FAM83E: variants seen among roughly 807,000 people sequenced by gnomAD.
FAM83E encodes protein FAM83E.
A neutral mutation model predicts 34.3 loss-of-function variants in FAM83E; 29 were observed. That is an observed-to-expected ratio of 0.85 (90% CI 0.63 to 1.15). The LOEUF (loss-of-function observed/expected upper bound fraction) is 1.15, where lower values mean the gene tolerates loss of function less well. FAM83E is among the 50% of genes most tolerant of loss of function. FAM83E has a pLI of 0.00. For synonymous variants in FAM83E, 312 were observed against 311.6 expected (o/e 1.00, Z -0.01); for missense variants, 697 against 685.0 (o/e 1.02, Z -0.20).
chr19:48,613,035 C>T lies in FAM83E; in HGVS notation c.338G>A (p.Arg113Gln), dbSNP rs746945844. 22 of 1,603,008 alleles carry T rather than the reference C, an allele frequency of 1.4e-5. No individual in the cohort carries two copies. The highest frequency in any genetic ancestry group is 1.0e-4 in the Admixed American group (6 of 58,078). ...GQSEQPAPVL[R>Q]LGWPVDSAWK... ...CGCAGAGTCCACTGGCCAGCCCAGCCGCAGGACGGGCGCCGGCTGCTCCGA... is the reference window on the plus strand; with the variant it reads ...CGCAGAGTCCACTGGCCAGCCCAGCTGCAGGACGGGCGCCGGCTGCTCCGA... Residue 113 changes from arginine to glutamine, a missense_variant, in exon 3 of 7, where the codon CGG (arginine) becomes CAG (glutamine). By Grantham distance (43) the Arg-to-Gln change is conservative (BLOSUM62 1). Coordinates refer to ENST00000263266, the MANE Select transcript of FAM83E (RefSeq NM_017708.4).
Position 48,613,530 on chromosome 19 carries a change from C to T in FAM83E, c.-158G>A, listed in dbSNP as rs1478694245. ...GGGCCCTGCAGATGTCCAAATGGCT[C>T]CCTGCAGCAGCCCCTGCCACACTGT... On this transcript the variant is annotated 5_prime_UTR_variant, in exon 3 of 7. Transcript: ENST00000263266. The T allele has an allele frequency of 2.8e-6, 4 of 1,425,696 alleles. No homozygotes were observed. In the East Asian group the frequency reaches 1.0e-4, roughly 36 times the overall value. 88.3% of individuals were successfully genotyped at this position (1,425,696 alleles called of 1,614,324 possible).
At chr19:48,612,165 T>A (rs1974052813) in intron 3 of FAM83E, among the ~76,000 whole-genome samples, 2 of 152,124 alleles carry the variant, frequency 1.3e-5, no homozygotes, top group Non-Finnish European at 2.9e-5. Flanking sequence ...TGCACATTAG[T>A]CCCTGAGAAA....
chr19:48,605,821 G>A (rs1327930255), intron 5 of FAM83E, among the ~76,000 whole-genome samples: 1 of 151,840 alleles, frequency 6.6e-6, no homozygotes, highest in East Asian at 2.0e-4. Context: ...AAAGTGCTGG[G>A]ATTACAGGCG....
chr19:48,606,950 T>C (rs767519321), intron 5 of FAM83E: 1 of 1,595,064 alleles, frequency 6.3e-7, no homozygotes, highest in Admixed American at 1.7e-5. Flanking sequence ...ACGGCCTGGC[T>C]GGGGCAGGGT....
Position 48,613,653 on chromosome 19 carries a change from C to T in FAM83E, c.-281G>A. 1.5e-6 allele frequency: 2 copies of T among 1,294,900 alleles called. No individual in the cohort carries two copies. The allele number at this position is 1,294,900 out of a possible 1,614,324, so 80.2% of individuals were successfully genotyped here. ...CCCAGTGGCACCATGCCTGGCTGGC[C>T]TTCCGTGACCTTCCTGCCAGCCGTC... is the stretch of plus-strand genomic sequence containing the variant. On this transcript the variant is annotated 5_prime_UTR_variant, in exon 3 of 7. Coordinates refer to ENST00000263266, the MANE Select transcript of FAM83E (RefSeq NM_017708.4).
chr19:48,603,720 CGGCGGGACA>C lies in FAM83E; in HGVS notation c.941_949del (p.Val314_Arg317delinsGly). ...AGGCGACGCGGGGGCCACGGAGCGG[CGGCGGGACA>C]CGCGGTGCGGGCTGCGGCCCCGCTG... On this transcript the variant is annotated inframe_deletion, in exon 6 of 7. Coordinates refer to ENST00000263266, the MANE Select transcript of FAM83E (RefSeq NM_017708.4). The C allele has an allele frequency of 1.4e-6, 2 of 1,441,830 alleles. No individual in the cohort carries two copies. The highest frequency in any genetic ancestry group is 1.8e-6 in the Non-Finnish European group (2 of 1,103,386). The allele number at this position is 1,441,830 out of a possible 1,614,324, so 89.3% of individuals were successfully genotyped here.
Position 48,613,399 on chromosome 19 carries a change from C to A in FAM83E, c.-27G>T. On this transcript the variant is annotated 5_prime_UTR_variant, in exon 3 of 7. Coordinates refer to ENST00000263266, the MANE Select transcript of FAM83E (RefSeq NM_017708.4). ...GGGGTCACTCGGGTGGGAGGACTGA[C>A]TGTGAGAGGCTGGGTCCCCGGGGGT... is the stretch of plus-strand genomic sequence containing the variant. 6.7e-7 allele frequency: 1 copy of A among 1,495,746 alleles called. No homozygotes were observed. Among genetic ancestry groups the A allele is most frequent in the South Asian group, 1.3e-5 (1 of 77,890 alleles). 92.7% of individuals were successfully genotyped at this position (1,495,746 alleles called of 1,614,324 possible). A position where few individuals can be genotyped will look rare whatever the true frequency, so the allele number is the denominator to read the frequency against.
intron 5 of FAM83E, among the ~76,000 whole-genome samples, chr19:48,606,462 A>G (rs1364855187): frequency 7.8e-6 from 1 of 128,260 alleles, no homozygotes; most frequent in Non-Finnish European, 1.6e-5. Flanking sequence ...CACTTTCCCC[A>G]GCCTTAGTTT....
chr19:48,613,814 T>A lies in FAM83E; in HGVS notation c.-442A>T. On this transcript the variant is annotated 5_prime_UTR_variant, in exon 3 of 7. Transcript: ENST00000263266. ...AGTCAGACCCTTCAGCTGTCCTGAA[T>A]TTGGTCAGGCTGACCACTTGATCAT... 1 of 985,390 alleles carries A rather than the reference T, an allele frequency of 1.0e-6. No homozygotes were observed. The highest frequency in any genetic ancestry group is 1.2e-6 in the Non-Finnish European group (1 of 829,924). 61.0% of individuals were successfully genotyped at this position (985,390 alleles called of 1,614,324 possible).
intron 3 of FAM83E, among the ~76,000 whole-genome samples, chr19:48,611,759 G>A (rs1286703912): frequency 1.3e-5 from 2 of 152,198 alleles, no homozygotes; most frequent in African/African-American, 2.4e-5. Context: ...GTGAGCCACC[G>A]TGGCTGGCCT....
In FAM83E at chr19:48,601,322, C is replaced by A; in HGVS notation, c.1224G>T (p.Met408Ile). 1 of 1,567,858 alleles carries A rather than the reference C, an allele frequency of 6.4e-7. No individual in the cohort carries two copies. Reference protein sequence around the residue: ...GSKDTPAKALMRQRGTGGGPW... With the variant: ...GSKDTPAKALIRQRGTGGGPW... ...GGCCTCCTCCAGTGCCCCGCTGCCT[C>A]ATCAGAGCCTTGGCTGGAGTGTCCT... is the stretch of plus-strand genomic sequence containing the variant. The change falls in exon 7 of 7, where the codon ATG becomes ATT. Residue 408 changes from methionine (M) to isoleucine (I), a missense_variant. Met to Ile is a conservative substitution (Grantham distance 10). Coordinates refer to ENST00000263266, the MANE Select transcript of FAM83E (RefSeq NM_017708.4).
intron 5 of FAM83E, 141 bp from the exon 6 acceptor site, chr19:48,604,052 A>ACCTACT (rs1973883585): frequency 1.2e-6 from 1 of 805,292 alleles, no homozygotes; most frequent in Non-Finnish European, 1.9e-6. Context: ...TGTCTGTAGA[A>ACCTACT]TGGGCACAAC....
rs1408206913 is a variant in FAM83E, at chr19:48,600,204, C to CG, written c.*904dup. The stretch of plus-strand genomic sequence containing the variant: ...AGCAGCTCTAGCTCGGGGCCTCACC[C>CG]GGGCCCCTCATCAGGAAGGCCTGAC... On this transcript the variant is annotated 3_prime_UTR_variant, in exon 7 of 7. Transcript: ENST00000263266. 1.3e-5 allele frequency among the ~76,000 whole-genome samples: 2 copies of CG among 152,236 alleles called. No individual in the cohort carries two copies. Among genetic ancestry groups the CG allele is most frequent in the Non-Finnish European group, 2.9e-5 (2 of 68,050 alleles).
At position 48,610,838 on chromosome 19, in the gene FAM83E, C is replaced by A; in HGVS notation, c.475G>T (p.Val159Leu). The change falls in exon 4 of 7, where the codon GTG becomes TTG. Residue 159 changes from valine to leucine, a missense_variant. By Grantham distance (32) the Val-to-Leu change is conservative. Transcript: ENST00000263266. ...EIQAAHKLVA[V>L]VMDVFTDPDL... ...GGGTCAGTGAAGACGTCCATGACCA[C>A]GGCCACCAGCTGGGCATGGGGAGAG... 6.3e-7 allele frequency: 1 copy of A among 1,593,514 alleles called. No individual in the cohort carries two copies. Among genetic ancestry groups the A allele is most frequent in the Non-Finnish European group, 8.5e-7 (1 of 1,170,054 alleles).
chr19:48,605,570 ATT>A (rs796815207), intron 5 of FAM83E, among the ~76,000 whole-genome samples: 14 of 142,604 alleles, frequency 9.8e-5, no homozygotes, highest in Admixed American at 7.0e-5. Context: ...GCAAGATCCT[ATT>A]TTTTTTTTTT....
chr19:48,605,432 G>A (rs188509855), intron 5 of FAM83E, among the ~76,000 whole-genome samples: 177 of 152,268 alleles, frequency 1.2e-3, no homozygotes, highest in African/African-American at 4.0e-3. Context: ...AAAATTAGCC[G>A]GGCATGGTGG....
intron 6 of FAM83E, among the ~76,000 whole-genome samples, chr19:48,602,686 CAAAAAAAA>C (rs746923737): frequency 2.0e-4 from 1 of 5,010 alleles, no homozygotes; most frequent in African/African-American, 9.3e-4. Context: ...GACCCTATCT[CAAAAAAAA>C]AAAAAAAAAA....
chr19:48,613,036 G>T lies in FAM83E; in HGVS notation c.337C>A (p.Arg113=). The T allele has an allele frequency of 1.2e-6, 2 of 1,602,128 alleles. No individual in the cohort carries two copies. The highest frequency in any genetic ancestry group is 2.7e-5 in the African/African-American group (2 of 74,892). ...GQSEQPAPVL[R]LGWPVDSAWK... ...GCAGAGTCCACTGGCCAGCCCAGCCGCAGGACGGGCGCCGGCTGCTCCGAC... is the reference window on the plus strand; with the variant it reads ...GCAGAGTCCACTGGCCAGCCCAGCCTCAGGACGGGCGCCGGCTGCTCCGAC... The change falls in exon 3 of 7, where the codon CGG becomes AGG. Residue 113 remains arginine (R), a synonymous_variant. Transcript: ENST00000263266.
Position 48,613,016 on chromosome 19 carries a change from G to A in FAM83E, c.357C>T (p.Asp119=), listed in dbSNP as rs745708529. 3 of 1,604,266 alleles carry A rather than the reference G, an allele frequency of 1.9e-6. No homozygotes were observed. The highest frequency in any genetic ancestry group is 2.7e-5 in the African/African-American group (2 of 74,812). The change falls in exon 3 of 7, where the codon GAC becomes GAT. Residue 119 remains aspartate, a synonymous_variant. Transcript: ENST00000263266. ...CCCGGGTGATGCCTTTCCACGCAGA[G>A]TCCACTGGCCAGCCCAGCCGCAGGA... ...APVLRLGWPV[D]SAWKGITRAQ... is the part of the protein sequence containing the mutation.
Sources: gnomAD v4.1 joint callset for allele counts (sites outside exome capture counted in the v4.1 genomes callset) on GRCh38, gnomAD v4.1.1 for gene constraint, MANE v1.5 for transcripts, NCBI Gene and HGNC (gene_info 2026-07-23, HGNC 2026-07-21) for gene names.